Variants in TJP2 observed in about 807,000 individuals in gnomAD.
The protein encoded by TJP2 is Friedreich ataxia region gene X104 (tight junction protein ZO-2).
TJP2 carries 91 observed loss-of-function variants against 133.1 expected under a neutral mutation model. The ratio of observed to expected loss-of-function variants is 0.68; its 90% CI spans 0.58 to 0.81. The LOEUF is 0.81. TJP2 is among the 40% of genes least tolerant of loss of function. The probability of loss-of-function intolerance (pLI) is 0.00; values close to 1 mark genes in which losing one functional copy is unlikely to be tolerated. For synonymous variants in TJP2, 592 were observed against 583.4 expected (o/e 1.01, Z -0.21); for missense variants, 1,541 against 1,565.6 (o/e 0.98, Z 0.26).
chr9:69,160,740 G>C (rs1243352523), intron 2 of TJP2, among the ~76,000 whole-genome samples: 1 of 152,164 alleles, frequency 6.6e-6, no homozygotes, highest in African/African-American at 2.4e-5. Context: ...ACATGGCTGG[G>C]GAGGCCTCAC....
chr9:69,182,360 T>C (rs900879393), intron 1 of TJP2, among the ~76,000 whole-genome samples: 7 of 152,212 alleles, frequency 4.6e-5, no homozygotes, highest in Non-Finnish European at 7.3e-5. Context: ...TCTGGTGTTA[T>C]TGTTAAAGCC....
chr9:69,239,960 G>C lies in TJP2; in HGVS notation c.2379G>C (p.Val793=). 1 of 1,614,138 alleles carries C rather than the reference G, an allele frequency of 6.2e-7. No individual in the cohort carries two copies. ...AGGATAAGCATGCACTACTGGATGT[G>C]ACTCCGAAAGCTGTGGACCTGTTGA... ...IEQDKHALLD[V]TPKAVDLLNY... Residue 793 remains valine (V), a synonymous_variant, in exon 17 of 23, where the codon GTG becomes GTC. Coordinates refer to ENST00000377245, the MANE Select transcript of TJP2 (RefSeq NM_004817.4).
chr9:69,154,894 C>T (rs1170474372), intron 2 of TJP2, among the ~76,000 whole-genome samples: 6 of 152,022 alleles, frequency 3.9e-5, no homozygotes, highest in African/African-American at 1.4e-4. Flanking sequence ...TTAAAGTTAT[C>T]ACTGACTCAC....
At chr9:69,136,116 A>G (rs1029770175) in intron 1 of TJP2, among the ~76,000 whole-genome samples, 2 of 152,340 alleles carry the variant, frequency 1.3e-5, no homozygotes, top group South Asian at 4.1e-4. Context: ...GATACCACCA[A>G]GAAACTTTTA....
chr9:69,230,692 G>T (rs958007319), intron 11 of TJP2, among the ~76,000 whole-genome samples: 1 of 152,112 alleles, frequency 6.6e-6, no homozygotes, highest in African/African-American at 2.4e-5. Flanking sequence ...TGTGACCCTG[G>T]TTCACCCTGA....
At chr9:69,218,514 T>C (rs577323745) in intron 4 of TJP2, 155 bp downstream of exon 4, 79 of 694,286 alleles carry the variant, frequency 1.1e-4, no homozygotes, top group South Asian at 4.9e-4. Context: ...TGTGAAGATA[T>C]GTGTAAGTTA....
chr9:69,246,715 T>G lies in TJP2; in HGVS notation c.2592T>G (p.Asn864Lys). The G allele has an allele frequency of 6.2e-7, 1 of 1,614,096 alleles. No homozygotes were observed. The highest frequency in any genetic ancestry group is 8.5e-7 in the Non-Finnish European group (1 of 1,179,980). Residue 864 changes from asparagine to lysine, a missense_variant, in exon 18 of 23, where the codon AAT becomes AAG. Coordinates refer to ENST00000377245, the MANE Select transcript of TJP2 (RefSeq NM_004817.4). Reference protein sequence around the residue: ...FTATINLNSANDSWFGSLKDT... With the variant: ...FTATINLNSAKDSWFGSLKDT... Reference sequence around the variant, plus strand: ...CTACAATCAACCTAAATTCAGCCAATGATAGCTGGTTTGGCAGCTTAAAGG... The same window carrying G: ...CTACAATCAACCTAAATTCAGCCAAGGATAGCTGGTTTGGCAGCTTAAAGG...
At chr9:69,130,321 T>A (rs1822438478) in intron 1 of TJP2, among the ~76,000 whole-genome samples, 1 of 152,082 alleles carries the variant, frequency 6.6e-6, no homozygotes, top group African/African-American at 2.4e-5. Flanking sequence ...TCAGCTGGAT[T>A]TAGAAAAAGA....
chr9:69,174,434 T>A lies in TJP2; in HGVS notation c.60+2T>A, dbSNP rs1824903189. The A allele has an allele frequency of 1.6e-5, 25 of 1,551,156 alleles. No individual in the cohort carries two copies. The highest frequency in any genetic ancestry group is 2.2e-5 in the Non-Finnish European group (25 of 1,146,924). ...CGGGAGCTGTCAGGTTGGCTCCGCG[T>A]AAGTGCCTCCTTGTGCCGCGCGGTT... On this transcript the variant is annotated splice_donor_variant, in intron 1 of 22. Transcript: ENST00000377245. LOFTEE classifies it high-confidence loss of function.
chr9:69,129,886 G>A (rs1038382132), intron 1 of TJP2, among the ~76,000 whole-genome samples: 4 of 151,784 alleles, frequency 2.6e-5, no homozygotes, highest in East Asian at 1.9e-4. Context: ...GCGTGGTGGC[G>A]TGCCTGTAAT....
intron 2 of TJP2, among the ~76,000 whole-genome samples, chr9:69,163,801 T>C (rs1181403945): frequency 6.6e-6 from 1 of 152,148 alleles, no homozygotes; most frequent in Admixed American, 6.6e-5. Context: ...TTTTTAAACT[T>C]CAAAATGTTT....
At chr9:69,230,673 G>T (rs117755997) in intron 11 of TJP2, among the ~76,000 whole-genome samples, 1,860 of 152,298 alleles carry the variant, frequency 0.012, 24 homozygotes, top group African/African-American at 0.036. Context: ...CCCAGCCTCT[G>T]ATTAGTTCTG....
intron 2 of TJP2, among the ~76,000 whole-genome samples, chr9:69,215,390 G>GTTTTTTTTT (rs547985228): frequency 6.7e-6 from 1 of 149,486 alleles, no homozygotes; most frequent in Non-Finnish European, 1.5e-5. Context: ...GAAAGTTGTG[G>GTTTTTTTTT]TTTTTTTTTT....
At chr9:69,234,668 C>T (rs1168237230) in intron 12 of TJP2, 121 bp downstream of exon 12, 2 of 701,186 alleles carry the variant, frequency 2.9e-6, no homozygotes, top group Non-Finnish European at 4.9e-6. Context: ...TGGATCTCAA[C>T]ACCTAGTCCT....
Position 69,252,569 on chromosome 9 carries a change from T to C in TJP2, c.3322-246T>C, listed in dbSNP as rs567114980. Among the ~76,000 whole-genome samples, 4 of 152,328 alleles carry C rather than the reference T, an allele frequency of 2.6e-5. No individual in the cohort carries two copies. In the South Asian group the frequency reaches 6.2e-4, roughly 24 times the overall value. On this transcript the variant is annotated intron_variant, in intron 21 of 22. Transcript: ENST00000377245. The stretch of plus-strand genomic sequence containing the variant: ...TTGGCTTATTTCCCTTAGCATGATG[T>C]CCTCAAGGTTCATCCAGGTTGTAGC...
intron 5 of TJP2, among the ~76,000 whole-genome samples, chr9:69,222,104 T>G (rs1031777584): frequency 2.0e-5 from 3 of 151,802 alleles, no homozygotes; most frequent in Non-Finnish European, 4.4e-5. Context: ...ACTTCTGACC[T>G]CAGGTGATCT....
chr9:69,130,015 C>CAAAAAAAAAAAAAAAAAAAAAAAA (rs11355311), intron 1 of TJP2, among the ~76,000 whole-genome samples: 1 of 94,174 alleles, frequency 1.1e-5, no homozygotes, highest in Non-Finnish European at 2.2e-5. Context: ...AACTCTGCCT[C>CAAAAAAAAAAAAAAAAAAAAAAAA]AAAAAAAAAA....
Position 69,221,104 on chromosome 9 carries a change from G to T in TJP2, c.560G>T (p.Arg187Leu). 1 of 1,583,906 alleles carries T rather than the reference G, an allele frequency of 6.3e-7. No homozygotes were observed. The highest frequency in any genetic ancestry group is 8.6e-7 in the Non-Finnish European group (1 of 1,165,572). Residue 187 changes from arginine (R) to leucine (L), a missense_variant, in exon 5 of 23, where the codon CGG becomes CTG. Physicochemically the swap from Arg to Leu is moderately radical, Grantham distance 102. Coordinates refer to ENST00000377245, the MANE Select transcript of TJP2 (RefSeq NM_004817.4). ...CGTCCCCATGAGCGGGCCCGGAGCC[G>T]GGAGCGGGACCTCAGCCGGGACCGG... ...RGRPHERARS[R>L]ERDLSRDRSR...
chr9:69,224,833 A>G (rs1237245946), intron 5 of TJP2, among the ~76,000 whole-genome samples: 1 of 150,162 alleles, frequency 6.7e-6, no homozygotes, highest in Non-Finnish European at 1.5e-5. Context: ...TACCTCTCTC[A>G]GTGGGTTTTT....
Sources: allele counts gnomAD v4.1 joint callset (sites outside exome capture counted in the v4.1 genomes callset), GRCh38; gene constraint gnomAD v4.1.1; transcripts MANE v1.5; gene names NCBI Gene and HGNC (gene_info 2026-07-23, HGNC 2026-07-21).